CARD10: variants seen among roughly 807,000 people sequenced by gnomAD.
The protein encoded by CARD10 is caspase recruitment domain family member 10.
A neutral mutation model predicts 114.6 loss-of-function variants in CARD10; 49 were observed. That is an observed-to-expected ratio of 0.43 (90% CI 0.34 to 0.54). The LOEUF (loss-of-function observed/expected upper bound fraction) is 0.54. Ranked by LOEUF, CARD10 falls within the 20% of genes least tolerant of loss-of-function variation. The pLI is 0.03. For synonymous variants in CARD10, 602 were observed against 593.2 expected (o/e 1.01, Z -0.21); for missense variants, 1,206 against 1,397.2 (o/e 0.86, Z 2.18).
chr22:37,490,921 AC>A lies in CARD10; in HGVS notation c.*237del. On this transcript the variant is annotated 3_prime_UTR_variant, in exon 20 of 20. Transcript: ENST00000251973. ...AAGACCCACTAGTGGGAATGTGGAG[AC>A]CCCAGGAAAGGTGGGGAGGCCCAGA... 1.8e-6 allele frequency: 1 copy of A among 564,070 alleles called. No homozygotes were observed. Among genetic ancestry groups the A allele is most frequent in the Non-Finnish European group, 3.2e-6 (1 of 316,192 alleles). 34.9% of individuals were successfully genotyped at this position (564,070 alleles called of 1,614,324 possible).
intron 11 of CARD10, among the ~76,000 whole-genome samples, chr22:37,499,532 C>G (rs1194193381): frequency 6.6e-6 from 1 of 151,922 alleles, no homozygotes; most frequent in African/African-American, 2.4e-5. Context: ...TCGCTCCCTC[C>G]TCCACACCTC....
chr22:37,508,749 G>A, intron 4 of CARD10, 67 bp from the exon 5 acceptor site: 1 of 1,468,990 alleles, frequency 6.8e-7, no homozygotes, highest in South Asian at 1.3e-5. Context: ...TGGGAAGGAA[G>A]GGGACACGCA....
intron 11 of CARD10, among the ~76,000 whole-genome samples, chr22:37,499,465 G>A (rs1399273988): frequency 6.6e-6 from 1 of 152,020 alleles, no homozygotes; most frequent in Non-Finnish European, 1.5e-5. Flanking sequence ...CCAGAGCCCA[G>A]TAAGCAGCTG....
In CARD10 at chr22:37,519,045, G is replaced by A. The variant is rs972669072; in HGVS notation, c.156C>T (p.Arg52=). The A allele has an allele frequency of 6.3e-6, 10 of 1,595,660 alleles. No individual in the cohort carries two copies. Among genetic ancestry groups the A allele is most frequent in the Non-Finnish European group, 8.5e-6 (10 of 1,177,632 alleles). Residue 52 remains arginine, a synonymous_variant, in exon 1 of 20, where the codon CGC becomes CGT. Transcript: ENST00000251973. The surrounding 1 kb of genome is among the most constrained non-coding windows in gnomAD (Gnocchi z 4.1). Reference sequence around the variant, plus strand: ...CCTGCTCGTCGATGACCCGGCACTGGCGCAGATACGGCGTGAGCTTGGCCG... The same window carrying A: ...CCTGCTCGTCGATGACCCGGCACTGACGCAGATACGGCGTGAGCTTGGCCG... ...LNPAKLTPYL[R]QCRVIDEQDE... is the part of the protein sequence containing the mutation.
rs1569161799 is a variant in CARD10, at chr22:37,492,735, C to G, written c.2544G>C (p.Val848=). The G allele has an allele frequency of 6.2e-7, 1 of 1,613,010 alleles. No homozygotes were observed. Among genetic ancestry groups the G allele is most frequent in the Non-Finnish European group, 8.5e-7 (1 of 1,179,942 alleles). Residue 848 remains valine (V), a synonymous_variant, in exon 17 of 20, where the codon GTG becomes GTC. Transcript: ENST00000251973. This position sits in a 1 kb window ranked among gnomAD's most constrained non-coding sequence, Gnocchi z 5.7. ...GCGCCAGGCACTCAGGCAACAGCACCACGGGCCGCAGGGCAGACACCAGTA... is the reference window on the plus strand; with the variant it reads ...GCGCCAGGCACTCAGGCAACAGCACGACGGGCCGCAGGGCAGACACCAGTA... The part of the protein sequence containing the change: ...RPLLVSALRP[V]VLLPECLAPR...
At position 37,492,511 on chromosome 22, in the gene CARD10, G is replaced by A; in HGVS notation, c.2675C>T (p.Pro892Leu). The stretch of plus-strand genomic sequence containing the variant: ...GGCAGGCTGAGCCTTGGGGGCTCCA[G>A]GCGCTGAGGATGGGCACAGTTCCTC... ...SGEELCPSSA[P>L]GAPKAQPATP... Residue 892 changes from proline to leucine, a missense_variant, in exon 18 of 20, where the codon CCT (proline) becomes CTT (leucine). Transcript: ENST00000251973. This position sits in a 1 kb window ranked among gnomAD's most constrained non-coding sequence, Gnocchi z 5.7. 1 of 1,604,672 alleles carries A rather than the reference G, an allele frequency of 6.2e-7. No individual in the cohort carries two copies. Among genetic ancestry groups the A allele is most frequent in the Non-Finnish European group, 8.5e-7 (1 of 1,174,360 alleles).
At chr22:37,502,790 C>G in intron 10 of CARD10, 65 bp from the exon 11 acceptor site, 1 of 1,554,546 alleles carries the variant, frequency 6.4e-7, no homozygotes, top group Non-Finnish European at 8.7e-7. Flanking sequence ...GGGTCCATGA[C>G]AGGGACTGAC....
intron 6 of CARD10, among the ~76,000 whole-genome samples, chr22:37,507,533 C>G (rs954874057): frequency 1.3e-5 from 2 of 152,202 alleles, no homozygotes; most frequent in Non-Finnish European, 2.9e-5. Context: ...TCCCTCTGTG[C>G]TGGCCTTGTC....
In CARD10 at chr22:37,516,024, G is replaced by A; in HGVS notation, c.648C>T (p.Leu216=). Residue 216 remains leucine, a synonymous_variant, in exon 3 of 20, where the codon CTC becomes CTT. Transcript: ENST00000251973. ...GTACAGCCGAGTTCTTCTCCTCACTGAGCTGTGCCAGGCGCATGGCGATCA... is the reference window on the plus strand; with the variant it reads ...GTACAGCCGAGTTCTTCTCCTCACTAAGCTGTGCCAGGCGCATGGCGATCA... ...NYMIAMRLAQ[L]SEEKNSAVLR... The A allele has an allele frequency of 1.2e-6, 2 of 1,602,418 alleles. No individual in the cohort carries two copies. The highest frequency in any genetic ancestry group is 1.7e-6 in the Non-Finnish European group (2 of 1,175,394).
Position 37,513,456 on chromosome 22 carries a change from C to T in CARD10, c.699+2517G>A, listed in dbSNP as rs752119246. On this transcript the variant is annotated intron_variant, in intron 3 of 19. Coordinates refer to ENST00000251973, the MANE Select transcript of CARD10 (RefSeq NM_014550.4). ...AAAATAGGAAAAAGCAGCCACTCTG[C>T]GTAGAGGCAGATGACCTGCAGACTA... Among the ~76,000 whole-genome samples the T allele has an allele frequency of 6.6e-5, 10 of 152,216 alleles. No individual in the cohort carries two copies. In the South Asian group the frequency reaches 1.5e-3, roughly 22 times the overall value.
Position 37,491,878 on chromosome 22 carries a change from G to T in CARD10, c.2752-11C>A. The T allele has an allele frequency of 6.3e-7, 1 of 1,586,876 alleles. No individual in the cohort carries two copies. The highest frequency in any genetic ancestry group is 8.6e-7 in the Non-Finnish European group (1 of 1,163,400). On this transcript the variant is annotated splice_polypyrimidine_tract_variant and intron_variant, in intron 18 of 19. Coordinates refer to ENST00000251973, the MANE Select transcript of CARD10 (RefSeq NM_014550.4). ...CAGCAGGCAGTGCTTCTGCTTGGAG[G>T]ATCGAGGCTACAATGTACTCCTGGG...
chr22:37,501,478 G>C lies in CARD10; in HGVS notation c.1787+1124C>G, dbSNP rs1374158769. ...CTGAGCCCACTGCCGGGGGCCAGGTGGGGGCAGGGCCTGGACACTGGCTGA... is the reference window on the plus strand; with the variant it reads ...CTGAGCCCACTGCCGGGGGCCAGGTCGGGGCAGGGCCTGGACACTGGCTGA... On this transcript the variant is annotated intron_variant, in intron 11 of 19. Transcript: ENST00000251973. This position sits in a 1 kb window ranked among gnomAD's most constrained non-coding sequence, Gnocchi z 5.4. 9.9e-5 allele frequency among the ~76,000 whole-genome samples: 15 copies of C among 152,284 alleles called. No individual in the cohort carries two copies. The East Asian group carries it at 2.9e-3, about 29-fold the overall frequency.
At position 37,501,763 on chromosome 22, in the gene CARD10, A is replaced by G. The variant is rs565457182; in HGVS notation, c.1787+839T>C. Reference sequence around the variant, plus strand: ...AGCAGAGATAATCGTCATTATGCCTACTCCCTGGACAAAGAGCATGTTGTA... The same window carrying G: ...AGCAGAGATAATCGTCATTATGCCTGCTCCCTGGACAAAGAGCATGTTGTA... On this transcript the variant is annotated intron_variant, in intron 11 of 19. Coordinates refer to ENST00000251973, the MANE Select transcript of CARD10 (RefSeq NM_014550.4). The surrounding 1 kb of genome is among the most constrained non-coding windows in gnomAD (Gnocchi z 5.4). Among the ~76,000 whole-genome samples the G allele has an allele frequency of 6.6e-6, 1 of 152,166 alleles. No individual in the cohort carries two copies. Among genetic ancestry groups the G allele is most frequent in the South Asian group, 2.1e-4 (1 of 4,810 alleles).
At position 37,502,499 on chromosome 22, in the gene CARD10, T is replaced by G. The variant is rs1011626322; in HGVS notation, c.1787+103A>C. ...GTGTCTACAGATCTTAATCTTCCAA[T>G]AGTTGCATAAAACAGGGGCGAGGCA... is the stretch of plus-strand genomic sequence containing the variant. On this transcript the variant is annotated intron_variant, in intron 11 of 19. Coordinates refer to ENST00000251973, the MANE Select transcript of CARD10 (RefSeq NM_014550.4). The G allele has an allele frequency of 6.1e-6, 8 of 1,305,850 alleles. No individual in the cohort carries two copies. The African/African-American group carries it at 1.2e-4, about 19-fold the overall frequency. 80.9% of individuals were successfully genotyped at this position (1,305,850 alleles called of 1,614,324 possible). A position where few individuals can be genotyped will look rare whatever the true frequency, so the allele number is the denominator to read the frequency against.
At chr22:37,510,703 T>A (rs1601817476) in intron 3 of CARD10, 1 of 450,786 alleles carries the variant, frequency 2.2e-6, no homozygotes, top group Admixed American at 3.7e-5. Flanking sequence ...CGACACGCTG[T>A]CTGTCCCGCA....
chr22:37,518,072 C>G lies in CARD10; in HGVS notation c.272G>C (p.Arg91Thr). 1 of 1,614,032 alleles carries G rather than the reference C, an allele frequency of 6.2e-7. No homozygotes were observed. Among genetic ancestry groups the G allele is most frequent in the Non-Finnish European group, 8.5e-7 (1 of 1,179,948 alleles). ...LMDILRCRGK[R>T]GYEAFLEALE... ...GGCTTCCAGGAAGGCCTCATAGCCCCTCTTGCCACGGCAGCGCAAGATGTC... is the reference window on the plus strand; with the variant it reads ...GGCTTCCAGGAAGGCCTCATAGCCCGTCTTGCCACGGCAGCGCAAGATGTC... The change falls in exon 2 of 20, where the codon AGG becomes ACG. Residue 91 changes from arginine to threonine, a missense_variant. Transcript: ENST00000251973.
intron 9 of CARD10, among the ~76,000 whole-genome samples, chr22:37,503,823 T>A (rs1226104720): frequency 6.6e-6 from 1 of 152,174 alleles, no homozygotes; most frequent in African/African-American, 2.4e-5. Flanking sequence ...TGCCCAAACC[T>A]GGGGCCTGGC....
In CARD10 at chr22:37,510,067, C is replaced by G. The variant is rs532020435; in HGVS notation, c.909+145G>C. 17 of 671,584 alleles carry G rather than the reference C, an allele frequency of 2.5e-5. 2 individuals are homozygous for G. Among genetic ancestry groups the G allele is most frequent in the Non-Finnish European group, 3.3e-5 (13 of 399,338 alleles). 41.6% of individuals were successfully genotyped at this position (671,584 alleles called of 1,614,324 possible). On this transcript the variant is annotated intron_variant, in intron 4 of 19. Coordinates refer to ENST00000251973, the MANE Select transcript of CARD10 (RefSeq NM_014550.4). ...GGCCCTCCTGAGCCCCGCTACCCAG[C>G]CTGTGCCCAGAAGCCCTGGCCCTGC...
chr22:37,516,194 G>T lies in CARD10; in HGVS notation c.478C>A (p.Arg160=). The change falls in exon 3 of 20, where the codon CGG becomes AGG. Residue 160 remains arginine, a synonymous_variant. Coordinates refer to ENST00000251973, the MANE Select transcript of CARD10 (RefSeq NM_014550.4). ...CGCTCCTCCTCGAGCACCCGGCCCC[G>T]GGCCTGCAGTTGCTGCTCCCGCTGC... ...QLQREQQLQA[R]GRVLEEERAG... 1 of 1,593,868 alleles carries T rather than the reference G, an allele frequency of 6.3e-7. No homozygotes were observed. Among genetic ancestry groups the T allele is most frequent in the Non-Finnish European group, 8.5e-7 (1 of 1,171,200 alleles).
Sources: gnomAD v4.1 joint callset for allele counts (sites outside exome capture counted in the v4.1 genomes callset) on GRCh38, gnomAD v4.1.1 for gene constraint, Gnocchi (gnomAD v3.1) non-coding constraint, MANE v1.5 for transcripts, NCBI Gene and HGNC (gene_info 2026-07-23, HGNC 2026-07-21) for gene names.